Variants in RELL1 observed in about 807,000 individuals in gnomAD.
RELL1 encodes RELT-like protein 1.
In RELL1, 10 loss-of-function variants were observed where a neutral mutation model predicts 23.0. The observed-to-expected ratio is 0.43, with a 90% confidence interval of 0.27 to 0.74. The LOEUF (loss-of-function observed/expected upper bound fraction) is 0.74, where lower values mean the gene tolerates loss of function less well. RELL1 is among the 30% of genes least tolerant of loss of function. The pLI is 0.19. For synonymous variants in RELL1, 146 were observed against 146.8 expected, an observed-to-expected ratio of 0.99 and a Z score of 0.04; for missense variants, 315 against 364.4, an observed-to-expected ratio of 0.86 and a Z score of 1.10.
chr4:37,632,173 T>TTGTC (rs1720166225), intron 5 of RELL1, among the ~76,000 whole-genome samples: 1 of 148,276 alleles, frequency 6.7e-6, no homozygotes, highest in Admixed American at 6.7e-5. Context: ...ATCAGTTTTT[T>TTGTC]TGTTTATTTG....
chr4:37,587,035 C>T (rs143074306), downstream of RELL1, among the ~76,000 whole-genome samples: 52 of 151,978 alleles, frequency 3.4e-4, no homozygotes, highest in East Asian at 9.5e-3. Context: ...AAGGTGTCAC[C>T]GGGGCCACAC....
chr4:37,614,166 A>C (rs934829036), intron 6 of RELL1, among the ~76,000 whole-genome samples: 1 of 152,214 alleles, frequency 6.6e-6, no homozygotes, highest in Non-Finnish European at 1.5e-5. Flanking sequence ...TTTGAAGAAC[A>C]TACTTTTTAC....
intron 1 of RELL1, among the ~76,000 whole-genome samples, chr4:37,669,000 A>G (rs1304504307): frequency 0.019 from 1,878 of 99,608 alleles, 17 homozygotes; most frequent in Middle Eastern, 0.094. Flanking sequence ...CATCCAGGAG[A>G]GAGGTGGGGG....
chr4:37,625,893 AAAAT>A (rs1397602135), intron 6 of RELL1, among the ~76,000 whole-genome samples: 2 of 151,216 alleles, frequency 1.3e-5, no homozygotes, highest in Admixed American at 1.3e-4. Context: ...TTTGTCAATA[AAAAT>A]AAATAAAATG....
chr4:37,662,887 T>C (rs1721404671), intron 1 of RELL1, among the ~76,000 whole-genome samples: 1 of 152,076 alleles, frequency 6.6e-6, no homozygotes, highest in African/African-American at 2.4e-5. Context: ...TTCCAGAGTA[T>C]CTCAAACAAT....
At position 37,645,151 on chromosome 4, in the gene RELL1, G is replaced by A. The variant is rs145034207; in HGVS notation, c.385+2217C>T. Reference sequence around the variant, plus strand: ...AAGGTTCTCACAGTTTACTTATTTCGACTGATTCAACTGCCAGTACCCATT... The same window carrying A: ...AAGGTTCTCACAGTTTACTTATTTCAACTGATTCAACTGCCAGTACCCATT... On this transcript the variant is annotated intron_variant, in intron 3 of 6. Transcript: ENST00000454158. 7.1e-3 allele frequency among the ~76,000 whole-genome samples: 1,076 copies of A among 152,240 alleles called. 21 individuals carry two copies. The highest frequency in any genetic ancestry group is 0.025 in the African/African-American group (1,028 of 41,560).
chr4:37,671,911 A>T (rs1332267640), intron 1 of RELL1, among the ~76,000 whole-genome samples: 1 of 152,120 alleles, frequency 6.6e-6, no homozygotes, highest in Non-Finnish European at 1.5e-5. Flanking sequence ...AAATCCCTAC[A>T]CTTATGATTA....
chr4:37,632,084 G>GAAA (rs1183120605), intron 5 of RELL1, among the ~76,000 whole-genome samples: 3,775 of 44,280 alleles, frequency 0.085, 262 homozygotes, highest in African/African-American at 0.11. Context: ...TCTCAATAAG[G>GAAA]AAAAAAAAAA....
At chr4:37,593,898 C>T (rs772237610) in intron 6 of RELL1, among the ~76,000 whole-genome samples, 5 of 151,996 alleles carry the variant, frequency 3.3e-5, no homozygotes, top group Non-Finnish European at 5.9e-5. Context: ...CCAAACCGGA[C>T]GAAAAGAAGA....
chr4:37,607,241 C>T (rs1051993947), downstream of RELL1, among the ~76,000 whole-genome samples: 1 of 152,294 alleles, frequency 6.6e-6, no homozygotes, highest in Non-Finnish European at 1.5e-5. Context: ...ACAATGGATG[C>T]AATCCAAAGA....
chr4:37,686,330 G>A lies in RELL1; in HGVS notation c.-43C>T. On this transcript the variant is annotated 5_prime_UTR_variant, in exon 1 of 7. Coordinates refer to ENST00000454158, the MANE Select transcript of RELL1 (RefSeq NM_001085400.2). ...CTCCTCCCCCAGGGCGCCGCGTCCC[G>A]CGCTCGGGAAGGCAGAGCCGCTCCG... The A allele has an allele frequency of 7.0e-7, 1 of 1,435,944 alleles. No homozygotes were observed. The highest frequency in any genetic ancestry group is 9.2e-7 in the Non-Finnish European group (1 of 1,089,270). The allele number at this position is 1,435,944 out of a possible 1,614,324, so 89.0% of individuals were successfully genotyped here. A position where few individuals can be genotyped will look rare whatever the true frequency, so the allele number is the denominator to read the frequency against.
chr4:37,669,270 C>T (rs1320644050), intron 1 of RELL1, among the ~76,000 whole-genome samples: 2 of 134,200 alleles, frequency 1.5e-5, no homozygotes, highest in South Asian at 2.4e-4. Context: ...CCGCCCCATC[C>T]GGGAGGTGAG....
chr4:37,681,746 C>G (rs1722233700), intron 1 of RELL1, among the ~76,000 whole-genome samples: 1 of 152,026 alleles, frequency 6.6e-6, no homozygotes, highest in African/African-American at 2.4e-5. Context: ...CCAGGCTGGT[C>G]TTGAACTCCT....
At chr4:37,587,842 G>A (rs565254664), downstream of RELL1, among the ~76,000 whole-genome samples, 9 of 152,162 alleles carry the variant, frequency 5.9e-5, no homozygotes, top group East Asian at 1.9e-4. Flanking sequence ...GGTGGCACCC[G>A]CCTGTAAACC....
At position 37,673,186 on chromosome 4, in the gene RELL1, C is replaced by CTTTTTTTTTTTTTTTTTTT. The variant is rs71189095; in HGVS notation, c.88+12995_88+13013dup. ...CATCAAGACTATATACTTTTTTTTTCTTTTTTTTTTTTTTTTTTTTTGAGA... is the reference window on the plus strand; with the variant it reads ...CATCAAGACTATATACTTTTTTTTTCTTTTTTTTTTTTTTTTTTTTTTTTTTTTTTTTTTTTTTTTGAGA... On this transcript the variant is annotated intron_variant, in intron 1 of 6. Transcript: ENST00000454158. 2.9e-4 allele frequency among the ~76,000 whole-genome samples: 27 copies of CTTTTTTTTTTTTTTTTTTT among 93,180 alleles called. 1 individual carries two copies. Among genetic ancestry groups the CTTTTTTTTTTTTTTTTTTT allele is most frequent in the Admixed American group, 3.6e-4 (2 of 5,590 alleles). The allele number at this position is 93,180 out of a possible 152,430, so 61.1% of individuals were successfully genotyped here.
chr4:37,592,058 A>G (rs1443867627), intron 6 of RELL1, among the ~76,000 whole-genome samples: 1 of 151,860 alleles, frequency 6.6e-6, no homozygotes, highest in East Asian at 1.9e-4. Context: ...AATACAAAAA[A>G]TTATCCGGGC....
chr4:37,670,070 AG>A (rs1577606017), intron 1 of RELL1, among the ~76,000 whole-genome samples: 1 of 149,934 alleles, frequency 6.7e-6, no homozygotes, highest in East Asian at 1.9e-4. Flanking sequence ...AAAAAAAAAA[AG>A]AAAGAAAAAA....
Position 37,617,637 on chromosome 4 carries a change from G to T in RELL1, c.*4-4295C>A, listed in dbSNP as rs200470155. Among the ~76,000 whole-genome samples the T allele has an allele frequency of 3.9e-5, 6 of 152,100 alleles. No homozygotes were observed. The East Asian group carries it at 9.6e-4, about 24-fold the overall frequency. Reference sequence around the variant, plus strand: ...GTCTCTACTAAAAATACAAAAATTAGCTGGGCATGATGACGCATGCCTGTA... The same window carrying T: ...GTCTCTACTAAAAATACAAAAATTATCTGGGCATGATGACGCATGCCTGTA... On this transcript the variant is annotated intron_variant, in intron 6 of 6. Transcript: ENST00000454158.
chr4:37,630,631 C>T (rs554663198), intron 6 of RELL1, among the ~76,000 whole-genome samples: 52 of 151,946 alleles, frequency 3.4e-4, no homozygotes, highest in African/African-American at 1.2e-3. Context: ...TCCCAAAGTG[C>T]TGGGATTACA....
Sources: gnomAD v4.1 joint callset for allele counts (sites outside exome capture counted in the v4.1 genomes callset) on GRCh38, gnomAD v4.1.1 for gene constraint, MANE v1.5 for transcripts, NCBI Gene and HGNC (gene_info 2026-07-23, HGNC 2026-07-21) for gene names.